The following CCDC32 variants were observed in gnomAD, a reference collection of about 807,000 sequenced individuals.
CCDC32 encodes the protein coiled-coil domain containing 32.
Under a neutral mutation model 20.1 loss-of-function variants are expected in CCDC32, and 9 were observed. That is an observed-to-expected ratio of 0.45 (90% CI 0.27 to 0.78). The LOEUF is 0.78. CCDC32 is among the 30% of genes least tolerant of loss of function. The probability of loss-of-function intolerance (pLI) is 0.16; values close to 1 mark genes in which losing one functional copy is unlikely to be tolerated. For missense variants in CCDC32, 204 were observed against 215.5 expected (o/e 0.95, Z 0.33); for synonymous variants, 63 against 79.0 (o/e 0.80, Z 1.07).
downstream of CCDC32, chr15:40,539,015 C>G: frequency 1.8e-6 from 1 of 550,376 alleles, no homozygotes. Context: ...GGTTCTCTAG[C>G]TGGCTCTGAC....
chr15:40,529,828 A>G (rs1888822206), intron 3 of CCDC32, among the ~76,000 whole-genome samples: 2 of 150,962 alleles, frequency 1.3e-5, no homozygotes, highest in Admixed American at 1.3e-4. Flanking sequence ...CGCCTGGCTA[A>G]TTTTTTGTGT....
downstream of CCDC32, chr15:40,532,381 C>T (rs954996298): frequency 1.4e-6 from 1 of 693,108 alleles, no homozygotes; most frequent in African/African-American, 1.8e-5. Flanking sequence ...CCAGATAGTT[C>T]TCTTTGATAT....
downstream of CCDC32, among the ~76,000 whole-genome samples, chr15:40,549,712 A>G (rs1889763700): frequency 6.6e-6 from 1 of 152,294 alleles, no homozygotes; most frequent in South Asian, 2.1e-4. Context: ...TAAATAACCT[A>G]TTTCTGGGCT....
At position 40,557,390 on chromosome 15, in the gene CCDC32, G is replaced by T. The variant is rs1018110101; in HGVS notation, c.245-18C>A. The T allele has an allele frequency of 3.2e-6, 5 of 1,572,468 alleles. No individual in the cohort carries two copies. Among genetic ancestry groups the T allele is most frequent in the Non-Finnish European group, 4.3e-6 (5 of 1,164,634 alleles). On this transcript the variant is annotated intron_variant, in intron 2 of 3. Transcript: ENST00000416810. The stretch of plus-strand genomic sequence containing the variant: ...CTTCTTCTCTAGAGAGAGAAGTAGA[G>T]CTTAACAAGGAAAATGAGCATGACA...
At chr15:40,535,610 CA>C (rs11299163), downstream of CCDC32, 323,337 of 756,958 alleles carry the variant, frequency 0.43, 33,617 homozygotes, top group African/African-American at 0.52. Context: ...TTTTCACAAC[CA>C]AAAAAAAAAA....
At chr15:40,558,761 A>G (rs1890419815) in intron 2 of CCDC32, among the ~76,000 whole-genome samples, 1 of 152,124 alleles carries the variant, frequency 6.6e-6, no homozygotes, top group Non-Finnish European at 1.5e-5. Context: ...GCCAGTCTTC[A>G]CTAATCAAAA....
At chr15:40,541,027 A>G (rs1889367859) in intron 3 of CCDC32, among the ~76,000 whole-genome samples, 1 of 152,172 alleles carries the variant, frequency 6.6e-6, no homozygotes, top group Non-Finnish European at 1.5e-5. Context: ...AAGGTCCCGC[A>G]CAGCCCTGGA....
At chr15:40,552,844 T>A (rs1889959027), downstream of CCDC32, 1 of 149,128 alleles carries the variant, frequency 6.7e-6, no homozygotes, top group South Asian at 2.1e-4. Context: ...TTCTTTTAGC[T>A]CCTCTCTCGA....
downstream of CCDC32, chr15:40,532,285 C>T (rs1474698392): frequency 4.3e-6 from 3 of 702,946 alleles, no homozygotes; most frequent in East Asian, 5.4e-5. Flanking sequence ...GCAAATTCTA[C>T]TTTGCAATTG....
At chr15:40,551,209 C>T (rs1487234448), downstream of CCDC32, among the ~76,000 whole-genome samples, 3 of 152,054 alleles carry the variant, frequency 2.0e-5, no homozygotes, top group Non-Finnish European at 4.4e-5. Context: ...GGTGAAACCC[C>T]GTCTCTACTA....
chr15:40,528,038 A>G (rs551684981), downstream of CCDC32, among the ~76,000 whole-genome samples: 1 of 152,324 alleles, frequency 6.6e-6, no homozygotes, highest in African/African-American at 2.4e-5. Context: ...GATAGATAAA[A>G]ATGGGCAATA....
downstream of CCDC32, chr15:40,539,126 A>T (rs955853982): frequency 2.1e-5 from 18 of 856,096 alleles, no homozygotes; most frequent in East Asian, 4.0e-4. Flanking sequence ...GGGCTGGGCC[A>T]GAGGGAAGTA....
chr15:40,564,684 C>A, intron 1 of CCDC32: 1 of 1,593,948 alleles, frequency 6.3e-7, no homozygotes, highest in Non-Finnish European at 8.6e-7. Context: ...CACGGCGGTC[C>A]TGGGTGAACT....
At chr15:40,564,651 G>A (rs1890898189) in intron 1 of CCDC32, 2 of 1,445,258 alleles carry the variant, frequency 1.4e-6, no homozygotes, top group Non-Finnish European at 1.9e-6. Context: ...CGTAAAGGCC[G>A]GAAGTAAAAG....
chr15:40,557,365 C>T lies in CCDC32; in HGVS notation c.252G>A (p.Lys84=), dbSNP rs750216370. Residue 84 remains lysine, a synonymous_variant, in exon 3 of 4, where the codon AAG becomes AAA. Coordinates refer to ENST00000416810, the MANE Select transcript of CCDC32 (RefSeq NM_001080792.4). ...GATTTAAACCTTTGATTCTTCTTAG[C>T]TTCTTCTCTAGAGAGAGAAGTAGAG... The part of the protein sequence containing the change: ...SEVYLASLEK[K]LRRIKGLNQE... 9.9e-6 allele frequency: 16 copies of T among 1,610,538 alleles called. No individual in the cohort carries two copies. The highest frequency in any genetic ancestry group is 1.4e-5 in the Non-Finnish European group (16 of 1,178,910).
chr15:40,538,257 A>T (rs1889217844), downstream of CCDC32: 2 of 152,054 alleles, frequency 1.3e-5, no homozygotes, highest in South Asian at 4.1e-4. Flanking sequence ...AGAAGACCAC[A>T]TTTTTTATTC....
chr15:40,554,104 C>T lies in CCDC32; in HGVS notation c.425G>A (p.Trp142Ter), dbSNP rs146363483. ...GACGGCTACTTTATCTGGCTGGAGC[C>T]ACCTCTTGAAATGTTCCAAGGTGCT... ...DESTLEHFKR[W>*]LQPDKVAVST... is the part of the protein sequence containing the mutation. The change falls in exon 4 of 4, where the codon TGG (tryptophan) becomes TAG (stop). Residue 142 changes from tryptophan (W) to a stop codon, truncating the protein, a stop_gained. Transcript: ENST00000416810. LOFTEE classifies it high-confidence loss of function. 3 of 1,613,936 alleles carry T rather than the reference C, an allele frequency of 1.9e-6. No individual in the cohort carries two copies. The highest frequency in any genetic ancestry group is 2.5e-6 in the Non-Finnish European group (3 of 1,179,922).
At chr15:40,532,823 T>C (rs1043312244), downstream of CCDC32, among the ~76,000 whole-genome samples, 5 of 150,106 alleles carry the variant, frequency 3.3e-5, no homozygotes, top group Admixed American at 1.3e-4. Flanking sequence ...CCGGGTTCAG[T>C]TGATCCTCCC....
downstream of CCDC32, among the ~76,000 whole-genome samples, chr15:40,530,057 C>G (rs1240668715): frequency 6.6e-6 from 1 of 150,960 alleles, no homozygotes; most frequent in Non-Finnish European, 1.5e-5. Flanking sequence ...TTTGGGAGAC[C>G]AAGGTGGGTG....
Sources: allele counts gnomAD v4.1 joint callset (sites outside exome capture counted in the v4.1 genomes callset), GRCh38; gene constraint gnomAD v4.1.1; transcripts MANE v1.5; gene names NCBI Gene and HGNC (gene_info 2026-07-23, HGNC 2026-07-21).